Variants in PLCG2 observed in about 807,000 individuals in gnomAD.
PLCG2 encodes the protein 1-phosphatidylinositol 4,5-bisphosphate phosphodiesterase gamma-2.
Under a neutral mutation model 175.6 loss-of-function variants are expected in PLCG2, and 69 were observed. The observed-to-expected ratio is 0.39, with a 90% confidence interval of 0.32 to 0.48. The LOEUF (loss-of-function observed/expected upper bound fraction) is 0.48. PLCG2 is among the 20% of genes least tolerant of loss of function. The probability of loss-of-function intolerance (pLI) is 0.91; values close to 1 mark genes in which losing one functional copy is unlikely to be tolerated. For missense variants in PLCG2, 1,798 were observed against 1,650.9 expected (o/e 1.09, Z -1.54); for synonymous variants, 827 against 624.0 (o/e 1.33, Z -4.85).
intron 2 of PLCG2, among the ~76,000 whole-genome samples, chr16:81,844,706 A>G (rs1906021422): frequency 6.6e-6 from 1 of 152,236 alleles, no homozygotes; most frequent in Non-Finnish European, 1.5e-5. Flanking sequence ...ATTTTGCATA[A>G]AAAAAGAGTT....
At chr16:81,778,237 G>C (rs11643356), upstream of PLCG2, among the ~76,000 whole-genome samples, 84,596 of 151,102 alleles carry the variant, frequency 0.56, 24,040 homozygotes, top group South Asian at 0.75. Context: ...GCCAAGTGTG[G>C]TGTGCCTCTA....
At chr16:81,897,694 C>T (rs999518722) in intron 13 of PLCG2, among the ~76,000 whole-genome samples, 1 of 151,876 alleles carries the variant, frequency 6.6e-6, no homozygotes, top group African/African-American at 2.4e-5. Flanking sequence ...TATAGGCATC[C>T]ACCATCATGC....
chr16:81,936,391 T>G lies in PLCG2; in HGVS notation c.3052+13T>G, dbSNP rs369333200. On this transcript the variant is annotated intron_variant, in intron 27 of 32. Coordinates refer to ENST00000564138, the MANE Select transcript of PLCG2 (RefSeq NM_002661.5). ...TTCCAGACGGCAGGTAAAGGCCGAC[T>G]GAAGGTAGTCCCGTCCCTGCAAGGT... The G allele has an allele frequency of 8.7e-6, 14 of 1,609,876 alleles. No homozygotes were observed. In the African/African-American group the frequency reaches 1.6e-4, roughly 18 times the overall value.
intron 1 of PLCG2, chr16:81,783,124 C>T (rs1346124030): frequency 2.0e-6 from 1 of 491,588 alleles, no homozygotes; most frequent in South Asian, 1.5e-5. Flanking sequence ...GTCCTGGTTT[C>T]TGTCTAATTG....
intron 2 of PLCG2, among the ~76,000 whole-genome samples, chr16:81,818,667 C>G (rs544754565): frequency 6.6e-6 from 1 of 152,174 alleles, no homozygotes; most frequent in Admixed American, 6.5e-5. Context: ...TCTGCAGCAG[C>G]AAGCCTTGTT....
intron 7 of PLCG2, among the ~76,000 whole-genome samples, chr16:81,878,438 C>T (rs1320376698): frequency 9.9e-5 from 15 of 152,144 alleles, no homozygotes; most frequent in Admixed American, 7.9e-4. Context: ...CATATATTCC[C>T]GGGGACACCA....
intron 2 of PLCG2, among the ~76,000 whole-genome samples, chr16:81,802,259 C>T (rs1438086514): frequency 6.6e-6 from 1 of 150,914 alleles, no homozygotes; most frequent in Non-Finnish European, 1.5e-5. Context: ...ATTACAGGCG[C>T]CCGCCACCGC....
chr16:81,798,309 C>T (rs776376708), intron 2 of PLCG2, among the ~76,000 whole-genome samples: 8 of 152,100 alleles, frequency 5.3e-5, no homozygotes, highest in East Asian at 1.9e-4. Flanking sequence ...TTTGTGTTTG[C>T]GTGGGGGACA....
intron 25 of PLCG2, among the ~76,000 whole-genome samples, chr16:81,933,178 A>G (rs750057651): frequency 3.9e-5 from 6 of 152,124 alleles, no homozygotes; most frequent in Non-Finnish European, 5.9e-5. Context: ...ACTGGTTTTT[A>G]TATTTACTGA....
At chr16:81,944,720 C>T (rs1243215997) in intron 30 of PLCG2, among the ~76,000 whole-genome samples, 1 of 152,158 alleles carries the variant, frequency 6.6e-6, no homozygotes, top group African/African-American at 2.4e-5. Flanking sequence ...AAGTGATCCT[C>T]CTGCCTTGCC....
intron 28 of PLCG2, 150 bp downstream of exon 28, chr16:81,938,053 C>G (rs747287307): frequency 5.7e-6 from 4 of 697,832 alleles, no homozygotes; most frequent in Non-Finnish European, 9.4e-6. Flanking sequence ...GAGGATCTTT[C>G]TTTCTTACAG....
intron 12 of PLCG2, 102 bp from the exon 13 acceptor site, chr16:81,895,705 G>A (rs1908852926): frequency 1.5e-6 from 2 of 1,295,562 alleles, no homozygotes; most frequent in Non-Finnish European, 2.2e-6. Context: ...GGGAGTGTGG[G>A]TGTCCTTGTC....
intron 2 of PLCG2, among the ~76,000 whole-genome samples, chr16:81,817,413 T>C (rs1157796579): frequency 6.6e-6 from 1 of 152,268 alleles, no homozygotes; most frequent in Non-Finnish European, 1.5e-5. Flanking sequence ...ATTATTATTT[T>C]TGAGAAGGAG....
intron 19 of PLCG2, among the ~76,000 whole-genome samples, chr16:81,912,956 C>T (rs1157881129): frequency 6.6e-6 from 1 of 152,240 alleles, no homozygotes; most frequent in African/African-American, 2.4e-5. Flanking sequence ...CTTCCAGTAA[C>T]TCTGTGGGGT....
chr16:81,778,051 AAAAC>A (rs1910514699), upstream of PLCG2, among the ~76,000 whole-genome samples: 25 of 79,188 alleles, frequency 3.2e-4, 2 homozygotes, highest in African/African-American at 1.6e-3. Flanking sequence ...AACAAAAAAA[AAAAC>A]AAAAAAAACC....
In PLCG2 at chr16:81,894,183, C is replaced by G. The variant is rs150781205; in HGVS notation, c.1072+389C>G. On this transcript the variant is annotated intron_variant, in intron 12 of 32. Transcript: ENST00000564138. Reference sequence around the variant, plus strand: ...GTGGCTCATGCCTGTAATCCCAGCACTTCAGGAGGCTGAAGTGGGAGGATT... The same window carrying G: ...GTGGCTCATGCCTGTAATCCCAGCAGTTCAGGAGGCTGAAGTGGGAGGATT... 5.3e-3 allele frequency among the ~76,000 whole-genome samples: 807 copies of G among 152,120 alleles called. 5 individuals carry two copies. Among genetic ancestry groups the G allele is most frequent in the Admixed American group, 9.5e-3 (145 of 15,294 alleles).
intron 25 of PLCG2, among the ~76,000 whole-genome samples, chr16:81,933,615 G>C (rs1910593537): frequency 6.6e-6 from 1 of 151,390 alleles, no homozygotes; most frequent in South Asian, 2.1e-4. Flanking sequence ...CTGTTGCCCA[G>C]GCTACTCAAC....
chr16:81,936,038 AC>A lies in PLCG2; in HGVS notation c.2843-127del, dbSNP rs537049552. 586 of 1,466,182 alleles carry A rather than the reference AC, an allele frequency of 4.0e-4. 7 individuals are homozygous for A. The South Asian group carries it at 7.9e-3, about 20-fold the overall frequency. The allele number at this position is 1,466,182 out of a possible 1,614,324, so 90.8% of individuals were successfully genotyped here. On this transcript the variant is annotated intron_variant, in intron 26 of 32. Coordinates refer to ENST00000564138, the MANE Select transcript of PLCG2 (RefSeq NM_002661.5). ...TACCAATTGGGACAATATCATCAGAACCCCTTGAATGTCAAAGAGGGAGATT... is the reference window on the plus strand; with the variant it reads ...TACCAATTGGGACAATATCATCAGAACCCTTGAATGTCAAAGAGGGAGATT...
At chr16:81,855,489 C>G (rs12922252) in intron 3 of PLCG2, among the ~76,000 whole-genome samples, 41,071 of 152,096 alleles carry the variant, frequency 0.27, 5,996 homozygotes, top group Non-Finnish European at 0.32. Context: ...ATTTACTTTT[C>G]GGTCAAATAA....
Sources: gnomAD v4.1 joint callset for allele counts (sites outside exome capture counted in the v4.1 genomes callset) on GRCh38, gnomAD v4.1.1 for gene constraint, MANE v1.5 for transcripts, NCBI Gene and HGNC (gene_info 2026-07-23, HGNC 2026-07-21) for gene names.